The following CDH3 variants were observed in gnomAD, a reference collection of about 807,000 sequenced individuals.
The protein encoded by CDH3 is cadherin-3.
A neutral mutation model predicts 82.0 loss-of-function variants in CDH3; 54 were observed. That is an observed-to-expected ratio of 0.66 (90% CI 0.53 to 0.83). CDH3 has a LOEUF of 0.83. CDH3 is among the 40% of genes least tolerant of loss of function. The pLI is 0.00. For synonymous variants in CDH3, 446 were observed against 437.9 expected (o/e 1.02, Z -0.23); for missense variants, 1,054 against 1,084.6 (o/e 0.97, Z 0.40).
intron 1 of CDH3, among the ~76,000 whole-genome samples, chr16:68,710,744 C>T (rs1380439145): frequency 3.3e-5 from 5 of 150,684 alleles, no homozygotes; most frequent in African/African-American, 4.9e-5. Context: ...CTCAGGAGGC[C>T]GGGGCAGGAG....
Position 68,707,537 on chromosome 16 carries a change from C to T in CDH3, c.99+11614C>T, listed in dbSNP as rs924886028. Among the ~76,000 whole-genome samples the T allele has an allele frequency of 2.0e-5, 3 of 152,136 alleles. No homozygotes were observed. Among genetic ancestry groups the T allele is most frequent in the African/African-American group, 7.2e-5 (3 of 41,432 alleles). On this transcript the variant is annotated intron_variant, in intron 1 of 2. Transcript: ENST00000569080. The surrounding 1 kb of genome is among the most constrained non-coding windows in gnomAD (Gnocchi z 4.5). ...ATTCCTCTCTCGGGGAACCGGGGAG[C>T]CTGTCTGAGAGCGCCCTGTAGTCTG...
At chr16:68,669,532 G>T (rs1960829042) in intron 2 of CDH3, among the ~76,000 whole-genome samples, 1 of 152,114 alleles carries the variant, frequency 6.6e-6, no homozygotes, top group Non-Finnish European at 1.5e-5. Flanking sequence ...CCAGAAGACA[G>T]GGTAGTAGAG....
At chr16:68,679,040 C>A in intron 6 of CDH3, 134 bp downstream of exon 6, 1 of 885,938 alleles carries the variant, frequency 1.1e-6, no homozygotes, top group Non-Finnish European at 1.8e-6. Flanking sequence ...GATTTCCCCC[C>A]TTCCATCCCA....
chr16:68,691,357 C>G (rs977878982), intron 12 of CDH3, among the ~76,000 whole-genome samples: 1 of 152,000 alleles, frequency 6.6e-6, no homozygotes, highest in African/African-American at 2.4e-5. Flanking sequence ...AATGGGTTAG[C>G]TATCTTTTAG....
At chr16:68,695,523 C>T (rs1961695455) in intron 14 of CDH3, 138 bp downstream of exon 14, 3 of 930,286 alleles carry the variant, frequency 3.2e-6, no homozygotes, top group East Asian at 2.6e-5. Context: ...TTTCTAACAT[C>T]CTCCAGCACT....
intron 12 of CDH3, among the ~76,000 whole-genome samples, chr16:68,690,744 T>C (rs1961542313): frequency 1.3e-5 from 2 of 152,008 alleles, no homozygotes; most frequent in African/African-American, 2.4e-5. Flanking sequence ...CTGTCTCTAC[T>C]AAAAATACAA....
At position 68,691,858 on chromosome 16, in the gene CDH3, A is replaced by C. The variant is rs780349546; in HGVS notation, c.1934A>C (p.Glu645Ala). ...ATVCDCHGHVETCPGPWKGGF... is the reference protein window; with the variant it reads ...ATVCDCHGHVATCPGPWKGGF... Reference sequence around the variant, plus strand: ...GTGTGCGACTGCCATGGCCATGTCGAAACCTGCCCTGGACCCTGGAAGGGA... The same window carrying C: ...GTGTGCGACTGCCATGGCCATGTCGCAACCTGCCCTGGACCCTGGAAGGGA... The change falls in exon 13 of 16, where the codon GAA (glutamate) becomes GCA (alanine). Residue 645 changes from glutamate (E) to alanine (A), a missense_variant. By Grantham distance (107) the Glu-to-Ala change is moderately radical (BLOSUM62 -1). Coordinates refer to ENST00000264012, the MANE Select transcript of CDH3 (RefSeq NM_001793.6). 3.7e-6 allele frequency: 6 copies of C among 1,614,136 alleles called. No homozygotes were observed. Among genetic ancestry groups the C allele is most frequent in the Non-Finnish European group, 5.1e-6 (6 of 1,180,022 alleles).
At chr16:68,656,736 C>T (rs1183192828) in intron 2 of CDH3, among the ~76,000 whole-genome samples, 1 of 152,186 alleles carries the variant, frequency 6.6e-6, no homozygotes, top group African/African-American at 2.4e-5. Flanking sequence ...TGGCCCCAGC[C>T]AAATTAGAGG....
chr16:68,658,086 G>T (rs1437504842), intron 2 of CDH3, among the ~76,000 whole-genome samples: 2 of 132,416 alleles, frequency 1.5e-5, no homozygotes, highest in Non-Finnish European at 3.2e-5. Context: ...TTTTTTTAGA[G>T]ACAGGGTCTC....
intron 2 of CDH3, among the ~76,000 whole-genome samples, chr16:68,675,067 CAT>C (rs1315179065): frequency 6.6e-6 from 1 of 151,054 alleles, no homozygotes; most frequent in Non-Finnish European, 1.5e-5. Context: ...GAGCCGAGAT[CAT>C]GCCACTGCAC....
chr16:68,652,357 A>G (rs762084379), intron 2 of CDH3, among the ~76,000 whole-genome samples: 3 of 152,090 alleles, frequency 2.0e-5, no homozygotes, highest in Non-Finnish European at 2.9e-5. Context: ...CTCATATGCC[A>G]CTGTGTTCCT....
rs759937267 is a variant in CDH3 at position 68,695,260 on chromosome 16, C to T, written c.2008C>T (p.Leu670=). ...ACACTCCCCAACCCTTGCAGTCCTCCTGCTGGTGCTGCTTTTGTTGGTGAG... is the reference window on the plus strand; with the variant it reads ...ACACTCCCCAACCCTTGCAGTCCTCTTGCTGGTGCTGCTTTTGTTGGTGAG... ...LGAVLALLFL[L]LVLLLLVRKK... is the part of the protein sequence containing the mutation. The change falls in exon 14 of 16, where the codon CTG becomes TTG. Residue 670 remains leucine (L), a synonymous_variant. Transcript: ENST00000264012. 19 of 1,614,004 alleles carry T rather than the reference C, an allele frequency of 1.2e-5. No homozygotes were observed. Among genetic ancestry groups the T allele is most frequent in the Non-Finnish European group, 1.4e-5 (17 of 1,180,032 alleles).
rs778590297 is a variant in CDH3 at position 68,698,387 on chromosome 16, G to A, written c.2477G>A (p.Gly826Glu). 2 of 1,614,056 alleles carry A rather than the reference G, an allele frequency of 1.2e-6. No homozygotes were observed. Among genetic ancestry groups the A allele is most frequent in the Admixed American group, 3.3e-5 (2 of 60,024 alleles). Residue 826 changes from glycine to glutamate, a missense_variant, in exon 16 of 16, where the codon GGG becomes GAG. By Grantham distance (98) the Gly-to-Glu change is moderately conservative. Coordinates refer to ENST00000264012, the MANE Select transcript of CDH3 (RefSeq NM_001793.6). Reference sequence around the variant, plus strand: ...AAGCTGGCAGACATGTACGGTGGCGGGGAGGACGACTAGGCGGCCTGCCTG... The same window carrying A: ...AAGCTGGCAGACATGTACGGTGGCGAGGAGGACGACTAGGCGGCCTGCCTG... The part of the protein sequence containing the change: ...FKKLADMYGG[G>E]EDD
At chr16:68,731,701 G>A (rs1454506874), downstream of CDH3, among the ~76,000 whole-genome samples, 3 of 151,614 alleles carry the variant, frequency 2.0e-5, no homozygotes, top group South Asian at 2.1e-4. Context: ...ACCTGGTGTG[G>A]TGGCTCATGC....
downstream of CDH3, among the ~76,000 whole-genome samples, chr16:68,732,032 T>C (rs1337345552): frequency 1.3e-5 from 2 of 150,432 alleles, no homozygotes; most frequent in Admixed American, 1.3e-4. Flanking sequence ...TTTCTTTACT[T>C]TGTGTTTGAA....
chr16:68,694,802 C>A (rs954652906), intron 13 of CDH3, among the ~76,000 whole-genome samples: 1 of 152,054 alleles, frequency 6.6e-6, no homozygotes, highest in Non-Finnish European at 1.5e-5. Flanking sequence ...GACATCCCGA[C>A]GAAAGGTTTT....
downstream of CDH3, among the ~76,000 whole-genome samples, chr16:68,728,566 G>T (rs891972390): frequency 6.6e-6 from 1 of 152,202 alleles, no homozygotes; most frequent in Admixed American, 6.6e-5. Context: ...AAAGTGATGG[G>T]ATGACAGGCT....
intron 2 of CDH3, among the ~76,000 whole-genome samples, chr16:68,660,934 T>A (rs571246039): frequency 6.9e-6 from 1 of 144,282 alleles, no homozygotes; most frequent in Non-Finnish European, 1.5e-5. Flanking sequence ...ACCCCAGCAC[T>A]CCAGCCTGGG....
At chr16:68,730,488 T>C (rs949660898), downstream of CDH3, among the ~76,000 whole-genome samples, 1 of 151,738 alleles carries the variant, frequency 6.6e-6, no homozygotes. Flanking sequence ...ATCACGTCAT[T>C]GCACCCAGCC....
Sources: allele counts gnomAD v4.1 joint callset (sites outside exome capture counted in the v4.1 genomes callset), GRCh38; gene constraint gnomAD v4.1.1; non-coding constraint Gnocchi (gnomAD v3.1); transcripts MANE v1.5; gene names NCBI Gene and HGNC (gene_info 2026-07-23, HGNC 2026-07-21).